Variants in ZFAT observed in about 807,000 individuals in gnomAD.
The protein encoded by ZFAT is zinc finger protein ZFAT.
ZFAT carries 64 observed loss-of-function variants against 117.7 expected under a neutral mutation model. The ratio of observed to expected loss-of-function variants is 0.54; its 90% CI spans 0.44 to 0.67. The LOEUF is 0.67. Among genes scored for constraint, ZFAT ranks in the 30% least tolerant of loss-of-function variants. ZFAT has a pLI of 0.00. For synonymous variants in ZFAT, 679 were observed against 615.0 expected, an observed-to-expected ratio of 1.10 and a Z score of -1.54; for missense variants, 1,433 against 1,584.5, an observed-to-expected ratio of 0.90 and a Z score of 1.62.
intron 1 of ZFAT, among the ~76,000 whole-genome samples, chr8:134,684,261 C>T (rs535704089): frequency 3.0e-4 from 46 of 152,292 alleles, no homozygotes; most frequent in African/African-American, 1.1e-3. Flanking sequence ...GTGATTTTTC[C>T]AGTTTGGAGA....
chr8:134,535,319 A>C (rs1362177236), intron 11 of ZFAT, among the ~76,000 whole-genome samples: 1 of 152,204 alleles, frequency 6.6e-6, no homozygotes, highest in East Asian at 1.9e-4. Context: ...GATGTTCTAT[A>C]GGCACCTTAA....
At chr8:134,682,100 C>A (rs887610084) in intron 1 of ZFAT, among the ~76,000 whole-genome samples, 2 of 152,122 alleles carry the variant, frequency 1.3e-5, no homozygotes, top group African/African-American at 2.4e-5. Context: ...GAGGAAGAAG[C>A]CGATGAGAAG....
rs922851794 is a variant in ZFAT, at chr8:134,601,907, G to A, written c.1812C>T (p.Ser604=). 1.9e-6 allele frequency: 3 copies of A among 1,614,068 alleles called. No homozygotes were observed. Among genetic ancestry groups the A allele is most frequent in the Non-Finnish European group, 2.5e-6 (3 of 1,179,976 alleles). The part of the protein sequence containing the change: ...SDDFLLKNDT[S]SAEAHAAPEK... ...CAGGAGCAGCATGAGCCTCTGCGGAGGAGGTATCATTTTTCAACAAAAAAT... is the reference window on the plus strand; with the variant it reads ...CAGGAGCAGCATGAGCCTCTGCGGAAGAGGTATCATTTTTCAACAAAAAAT... The change falls in exon 6 of 16, where the codon TCC becomes TCT. Residue 604 remains serine, a synonymous_variant. Transcript: ENST00000377838.
At chr8:134,630,190 A>G (rs1829789838) in intron 3 of ZFAT, among the ~76,000 whole-genome samples, 1 of 152,212 alleles carries the variant, frequency 6.6e-6, no homozygotes, top group South Asian at 2.1e-4. Context: ...CAGAAGCCAC[A>G]CTCACAAGTA....
rs763271102 is a variant in ZFAT at position 134,602,624 on chromosome 8, G to A, written c.1095C>T (p.Asp365=). Residue 365 remains aspartate (D), a synonymous_variant, in exon 6 of 16, where the codon GAC becomes GAT. Coordinates refer to ENST00000377838, the MANE Select transcript of ZFAT (RefSeq NM_020863.4). The part of the protein sequence containing the change: ...HCRFCKKKYS[D]VKNLIKHIRD... Reference sequence around the variant, plus strand: ...GGATGTGCTTGATGAGGTTCTTGACGTCAGAGTACTTCTTCTTGCAGAAGC... The same window carrying A: ...GGATGTGCTTGATGAGGTTCTTGACATCAGAGTACTTCTTCTTGCAGAAGC... 74 of 1,614,072 alleles carry A rather than the reference G, an allele frequency of 4.6e-5. No homozygotes were observed. The highest frequency in any genetic ancestry group is 1.1e-4 in the East Asian group (5 of 44,896).
At chr8:134,789,015 T>G in the ZFAT span, among the ~76,000 whole-genome samples, 67 of 152,306 alleles carry the variant, frequency 4.4e-4, no homozygotes, top group African/African-American at 1.6e-3. Flanking sequence ...CTGATAAATT[T>G]TTAAACTTAA....
intron 10 of ZFAT, among the ~76,000 whole-genome samples, chr8:134,582,153 G>A (rs1473952992): frequency 2.0e-5 from 3 of 152,180 alleles, no homozygotes; most frequent in Non-Finnish European, 4.4e-5. Context: ...GAGAGGATAG[G>A]CAGAGTGTGC....
At chr8:134,628,737 C>T (rs979218076) in intron 3 of ZFAT, among the ~76,000 whole-genome samples, 3 of 152,180 alleles carry the variant, frequency 2.0e-5, no homozygotes, top group African/African-American at 7.2e-5. Context: ...ATCCCTGGTC[C>T]ATTGCTTACT....
chr8:134,529,166 G>A lies in ZFAT; in HGVS notation c.3115+3668C>T, dbSNP rs535036440. The stretch of plus-strand genomic sequence containing the variant: ...GCCCAGGTCCATCTGACTCCCAAGC[G>A]TGTGGTCATTCCAATAACCTAGAGA... On this transcript the variant is annotated intron_variant, in intron 12 of 15. Transcript: ENST00000377838. Among the ~76,000 whole-genome samples, 5 of 152,252 alleles carry A rather than the reference G, an allele frequency of 3.3e-5. No homozygotes were observed. The East Asian group carries it at 5.8e-4, about 18-fold the overall frequency.
At chr8:134,590,614 G>A (rs1009613283) in intron 7 of ZFAT, among the ~76,000 whole-genome samples, 9 of 146,934 alleles carry the variant, frequency 6.1e-5, no homozygotes, top group South Asian at 2.2e-4. Flanking sequence ...ACTATCAATA[G>A]TCATCACCAC....
At chr8:134,535,503 CT>C (rs1821768634) in intron 11 of ZFAT, among the ~76,000 whole-genome samples, 1 of 132,362 alleles carries the variant, frequency 7.6e-6, no homozygotes, top group African/African-American at 2.8e-5. Flanking sequence ...CTCCCCCTCC[CT>C]CTCCCTCCCT....
In ZFAT at chr8:134,588,267, G is replaced by A. The variant is rs1336280833; in HGVS notation, c.2692C>T (p.Arg898Cys). The A allele has an allele frequency of 3.8e-6, 6 of 1,570,638 alleles. No homozygotes were observed. The highest frequency in any genetic ancestry group is 1.8e-5 in the Admixed American group (1 of 54,164). Reference protein sequence around the residue: ...YFMKNGSDLQRHIWAHEGVKP... With the variant: ...YFMKNGSDLQCHIWAHEGVKP... ...TCACCTTCATGAGCCCAAATATGAC[G>A]CTGAAGGTCTGAGCCATTCTTCATG... Residue 898 changes from arginine (R) to cysteine (C), a missense_variant, in exon 9 of 16, where the codon CGT becomes TGT. This residue lies in a region of ZFAT where 503 missense variants were observed against 543.4 expected (regional missense o/e 0.93). Coordinates refer to ENST00000377838, the MANE Select transcript of ZFAT (RefSeq NM_020863.4).
chr8:134,670,219 C>T (rs976878914), intron 1 of ZFAT, among the ~76,000 whole-genome samples: 5 of 152,138 alleles, frequency 3.3e-5, no homozygotes, highest in African/African-American at 7.2e-5. Context: ...CAAGGATATC[C>T]GGGAATTGAA....
intron 10 of ZFAT, among the ~76,000 whole-genome samples, chr8:134,581,885 C>G (rs148997021): frequency 1.3e-5 from 2 of 152,112 alleles, no homozygotes; most frequent in Admixed American, 1.3e-4. Context: ...CCACTGTGCC[C>G]GACCTGGATG....
intron 11 of ZFAT, among the ~76,000 whole-genome samples, chr8:134,559,380 A>G (rs1302590120): frequency 6.6e-6 from 1 of 152,198 alleles, no homozygotes; most frequent in African/African-American, 2.4e-5. Flanking sequence ...ATAGAAGTAG[A>G]GAGATCCCAT....
intron 1 of ZFAT, among the ~76,000 whole-genome samples, chr8:134,684,125 C>T (rs755754603): frequency 1.2e-4 from 19 of 152,124 alleles, no homozygotes; most frequent in Admixed American, 7.2e-4. Context: ...ACACAGACCA[C>T]GAGAAAGAGA....
intron 1 of ZFAT, among the ~76,000 whole-genome samples, chr8:134,672,336 G>A (rs1832601044): frequency 6.6e-6 from 1 of 152,142 alleles, no homozygotes; most frequent in Admixed American, 6.5e-5. Context: ...GAGGCATAAA[G>A]CTGGAGGTGG....
chr8:134,622,485 C>A (rs559411863), intron 3 of ZFAT, among the ~76,000 whole-genome samples: 1 of 152,286 alleles, frequency 6.6e-6, no homozygotes, highest in Admixed American at 6.5e-5. Context: ...AGTGCCCCTG[C>A]AGGGAGTGAG....
chr8:134,767,061 T>C, the ZFAT span: 1 of 152,270 alleles, frequency 6.6e-6, no homozygotes, highest in African/African-American at 2.4e-5. Context: ...ATATTCTGTT[T>C]ATAATTTTGA....
Sources: allele counts gnomAD v4.1 joint callset (sites outside exome capture counted in the v4.1 genomes callset), GRCh38; gene constraint gnomAD v4.1.1; regional missense constraint gnomAD v4.1.1; transcripts MANE v1.5; gene names NCBI Gene and HGNC (gene_info 2026-07-23, HGNC 2026-07-21).